Variants in TENM2 observed in about 807,000 individuals in gnomAD.
TENM2 encodes the protein teneurin transmembrane protein 2.
A neutral mutation model predicts 245.2 loss-of-function variants in TENM2; 52 were observed. The observed-to-expected ratio is 0.21, with a 90% CI of 0.17 to 0.27. TENM2 has a LOEUF of 0.27. Ranked by LOEUF, TENM2 falls within the 10% of genes least tolerant of loss-of-function variation. TENM2 has a pLI of 1.00. For missense variants in TENM2, 3,046 were observed against 3,666.8 expected (o/e 0.83, Z 4.37); for synonymous variants, 1,363 against 1,438.9 (o/e 0.95, Z 1.19).
intron 4 of TENM2, among the ~76,000 whole-genome samples, chr5:167,979,866 A>T (rs1287733608): frequency 6.6e-6 from 1 of 152,186 alleles, no homozygotes; most frequent in Non-Finnish European, 1.5e-5. Flanking sequence ...GTTTATCGAA[A>T]TCTTGAAAAC....
At chr5:168,111,197 G>A (rs1044531631) in intron 9 of TENM2, among the ~76,000 whole-genome samples, 1 of 152,216 alleles carries the variant, frequency 6.6e-6, no homozygotes, top group Non-Finnish European at 1.5e-5. Context: ...CACCTGATGA[G>A]TTTTTTGTCC....
At chr5:167,419,129 G>GTAGATAGATAGATAGATAGATAGA (rs55794859) in intron 2 of TENM2, among the ~76,000 whole-genome samples, 1,669 of 150,376 alleles carry the variant, frequency 0.011, 11 homozygotes, top group Non-Finnish European at 0.015. Context: ...AGATGTGTAT[G>GTAGATAGATAGATAGATAGATAGA]TAGATAGATA....
intron 1 of TENM2, among the ~76,000 whole-genome samples, chr5:167,329,179 A>C (rs1757278999): frequency 6.6e-6 from 1 of 152,134 alleles, no homozygotes; most frequent in Non-Finnish European, 1.5e-5. Flanking sequence ...GGTTGGAAGA[A>C]TCTTGAATAC....
At chr5:167,581,691 G>A (rs1159701031) in intron 2 of TENM2, among the ~76,000 whole-genome samples, 1 of 152,068 alleles carries the variant, frequency 6.6e-6, no homozygotes, top group Non-Finnish European at 1.5e-5. Context: ...ATAAAGGGGT[G>A]AATTCCTAAT....
At chr5:168,025,586 G>A (rs1163412909) in intron 5 of TENM2, among the ~76,000 whole-genome samples, 1 of 152,186 alleles carries the variant, frequency 6.6e-6, no homozygotes, top group African/African-American at 2.4e-5. Context: ...TGGCTACATT[G>A]GGAAATAGGG....
chr5:167,620,529 G>A (rs529528177), intron 2 of TENM2, among the ~76,000 whole-genome samples: 19 of 130,112 alleles, frequency 1.5e-4, no homozygotes, highest in African/African-American at 4.8e-4. Flanking sequence ...AACCCTGTTG[G>A]CTAAAACTTT....
chr5:167,899,589 G>A (rs959694720), intron 3 of TENM2, among the ~76,000 whole-genome samples: 1 of 152,134 alleles, frequency 6.6e-6, no homozygotes, highest in Non-Finnish European at 1.5e-5. Flanking sequence ...CAGATAAAAC[G>A]TGGTGGAGTG....
intron 7 of TENM2, among the ~76,000 whole-genome samples, chr5:168,067,685 C>T (rs1250975766): frequency 6.6e-6 from 1 of 152,040 alleles, no homozygotes; most frequent in Non-Finnish European, 1.5e-5. Context: ...AACTGTGTTC[C>T]TGGGATGCTG....
At chr5:167,482,532 C>T (rs971194065) in intron 2 of TENM2, among the ~76,000 whole-genome samples, 1 of 152,132 alleles carries the variant, frequency 6.6e-6, no homozygotes, top group African/African-American at 2.4e-5. Context: ...AGATTACTTT[C>T]ATTCCATATG....
At chr5:167,858,735 G>A (rs1351380853) in intron 2 of TENM2, among the ~76,000 whole-genome samples, 1 of 150,870 alleles carries the variant, frequency 6.6e-6, no homozygotes, top group Non-Finnish European at 1.5e-5. Flanking sequence ...GACCGCAGCC[G>A]CCGCCGCCCG....
At chr5:168,017,949 C>T (rs1347104300) in intron 5 of TENM2, among the ~76,000 whole-genome samples, 2 of 152,132 alleles carry the variant, frequency 1.3e-5, no homozygotes, top group Non-Finnish European at 2.9e-5. Context: ...CCCATCTTCC[C>T]ATCTGCTCTT....
intron 2 of TENM2, among the ~76,000 whole-genome samples, chr5:167,872,410 G>T (rs1008901761): frequency 1.5e-4 from 22 of 150,416 alleles, no homozygotes; most frequent in African/African-American, 4.9e-4. Flanking sequence ...AAGAAAAAAA[G>T]AGAAAGAGAG....
intron 2 of TENM2, among the ~76,000 whole-genome samples, chr5:167,488,090 C>T (rs1047891692): frequency 5.1e-4 from 77 of 152,274 alleles, no homozygotes; most frequent in African/African-American, 1.8e-3. Flanking sequence ...AACACTCTTT[C>T]TCCTGCTCTA....
the TENM2 span, among the ~76,000 whole-genome samples, chr5:167,151,887 T>C: frequency 2.6e-5 from 4 of 152,156 alleles, no homozygotes; most frequent in African/African-American, 9.7e-5. Context: ...GGGAGGTCAA[T>C]AAATCCCTGT....
intron 13 of TENM2, chr5:168,186,248 G>A (rs1320891232): frequency 1.3e-5 from 2 of 151,926 alleles, no homozygotes; most frequent in East Asian, 1.9e-4. Flanking sequence ...TAATCCAAAG[G>A]TTTCAATTCA....
At chr5:167,405,794 A>ACACACACG (rs1258355219) in intron 2 of TENM2, among the ~76,000 whole-genome samples, 1 of 151,610 alleles carries the variant, frequency 6.6e-6, no homozygotes, top group Non-Finnish European at 1.5e-5. Context: ...ACACACACAC[A>ACACACACG]CACACGCACA....
At chr5:167,945,889 G>A (rs1004104895) in intron 3 of TENM2, among the ~76,000 whole-genome samples, 51 of 152,100 alleles carry the variant, frequency 3.4e-4, no homozygotes, top group African/African-American at 1.2e-3. Context: ...GCCAGCGGCT[G>A]GGGAGATGAG....
rs1765574001 is a variant in TENM2, at chr5:168,237,073, T to A, written c.5521-7347T>A. Among the ~76,000 whole-genome samples, 3 of 122,982 alleles carry A rather than the reference T, an allele frequency of 2.4e-5. No individual in the cohort carries two copies. In the East Asian group the frequency reaches 8.7e-4, roughly 36 times the overall value. 80.7% of individuals were successfully genotyped at this position (122,982 alleles called of 152,430 possible). ...CCCTGTCACCCAGGCTGGAGTGCAG[T>A]GGCACAATCTCGGATCACTGCAACC... On this transcript the variant is annotated intron_variant, in intron 25 of 28. Transcript: ENST00000518659.
intron 2 of TENM2, among the ~76,000 whole-genome samples, chr5:167,793,663 C>T (rs1434869698): frequency 1.3e-5 from 2 of 150,268 alleles, no homozygotes; most frequent in South Asian, 2.1e-4. Flanking sequence ...GGTGAAACCC[C>T]GTCTCCACCA....
Sources: allele counts gnomAD v4.1 joint callset (sites outside exome capture counted in the v4.1 genomes callset), GRCh38; gene constraint gnomAD v4.1.1; transcripts MANE v1.5; gene names NCBI Gene and HGNC (gene_info 2026-07-23, HGNC 2026-07-21).